The following TNR variants were observed in gnomAD, a reference collection of about 807,000 sequenced individuals.
TNR encodes the protein tenascin R, also known as tenascin-R.
A neutral mutation model predicts 150.4 loss-of-function variants in TNR; 45 were observed. That is an observed-to-expected ratio of 0.30 (90% CI 0.24 to 0.38). The LOEUF is 0.38. Ranked by LOEUF, TNR falls within the 10% of genes least tolerant of loss-of-function variation. The probability of loss-of-function intolerance (pLI) is 1.00; values close to 1 mark genes in which losing one functional copy is unlikely to be tolerated. For missense variants in TNR, 1,544 were observed against 1,759.1 expected (o/e 0.88, Z 2.19); for synonymous variants, 687 against 678.4 (o/e 1.01, Z -0.20).
rs1361082176 is a variant in TNR, at chr1:175,740,100, C to A, written c.-165+3126G>T. Among the ~76,000 whole-genome samples the A allele has an allele frequency of 2.6e-5, 4 of 152,174 alleles. No homozygotes were observed. In the East Asian group the frequency reaches 5.8e-4, roughly 22 times the overall value. On this transcript the variant is annotated intron_variant, in intron 1 of 22. Coordinates refer to ENST00000367674, the MANE Select transcript of TNR (RefSeq NM_003285.3). ...TCAAGGCTGGGGAGCAGAATGTACC[C>A]CTCCCACATCTTTGCTACTTACCCA...
At position 175,335,374 on chromosome 1, in the gene TNR, T is replaced by C. The variant is rs572331418; in HGVS notation, c.3631+337A>G. The C allele has an allele frequency of 1.3e-4, 29 of 228,676 alleles. No individual in the cohort carries two copies. The South Asian group carries it at 4.8e-3, about 38-fold the overall frequency. The allele number at this position is 228,676 out of a possible 1,614,324, so 14.2% of individuals were successfully genotyped here. ...CCTGCAGGCTGGCTGGCTGGTTGCC[T>C]TGCTTCTGGGAGATGGCCAGGCAGC... On this transcript the variant is annotated intron_variant, in intron 20 of 22. Coordinates refer to ENST00000367674, the MANE Select transcript of TNR (RefSeq NM_003285.3).
chr1:175,374,758 T>C lies in TNR; in HGVS notation c.1963+4794A>G, dbSNP rs111765090. On this transcript the variant is annotated intron_variant, in intron 9 of 22. Coordinates refer to ENST00000367674, the MANE Select transcript of TNR (RefSeq NM_003285.3). The stretch of plus-strand genomic sequence containing the variant: ...GGTTAGCAAATGCCACCATGAGGCC[T>C]AAGGCAGGTGCCCTGTGGAGTGGGT... Among the ~76,000 whole-genome samples the C allele has an allele frequency of 2.7e-3, 416 of 152,336 alleles. 4 individuals are homozygous for C. The highest frequency in any genetic ancestry group is 9.6e-3 in the African/African-American group (398 of 41,578).
At chr1:175,420,304 T>A (rs891495473) in intron 2 of TNR, among the ~76,000 whole-genome samples, 2 of 152,204 alleles carry the variant, frequency 1.3e-5, no homozygotes, top group Non-Finnish European at 2.9e-5. Context: ...TGTTTCTTCC[T>A]GTCCCCAAGT....
At chr1:175,399,933 G>C (rs1244742825) in intron 4 of TNR, among the ~76,000 whole-genome samples, 1 of 152,208 alleles carries the variant, frequency 6.6e-6, no homozygotes, top group Non-Finnish European at 1.5e-5. Context: ...GCCAAAGGTT[G>C]GGCTGGCTGC....
intron 1 of TNR, among the ~76,000 whole-genome samples, chr1:175,624,347 G>A (rs1040409): frequency 0.18 from 27,474 of 152,142 alleles, 2,594 homozygotes; most frequent in African/African-American, 0.2. Flanking sequence ...GCTTCAGAAT[G>A]TGACCTTATT....
At chr1:175,488,661 A>C (rs1311489670) in intron 2 of TNR, among the ~76,000 whole-genome samples, 7 of 152,180 alleles carry the variant, frequency 4.6e-5, no homozygotes, top group Non-Finnish European at 1.0e-4. Context: ...GACACTGAAT[A>C]TTGATCCCCA....
At chr1:175,689,659 C>T (rs1196992340) in intron 1 of TNR, among the ~76,000 whole-genome samples, 2 of 152,184 alleles carry the variant, frequency 1.3e-5, no homozygotes, top group Non-Finnish European at 1.5e-5. Context: ...CTCTCATTGC[C>T]TTTATTGGCC....
chr1:175,326,569 A>G (rs1338637574), intron 21 of TNR, among the ~76,000 whole-genome samples: 2 of 151,968 alleles, frequency 1.3e-5, no homozygotes, highest in Non-Finnish European at 2.9e-5. Flanking sequence ...TTTTATGCCC[A>G]TCTAGAGTTA....
intron 1 of TNR, among the ~76,000 whole-genome samples, chr1:175,689,823 C>G (rs1174061974): frequency 6.6e-6 from 1 of 152,212 alleles, no homozygotes; most frequent in Non-Finnish European, 1.5e-5. Context: ...AATCTACAGG[C>G]AGAGGGTTTC....
At chr1:175,670,765 T>A (rs1036660269) in intron 1 of TNR, among the ~76,000 whole-genome samples, 2 of 152,128 alleles carry the variant, frequency 1.3e-5, no homozygotes, top group Non-Finnish European at 2.9e-5. Flanking sequence ...GAGGGGGATG[T>A]GGATACGGGA....
rs543250442 is a variant in TNR, at chr1:175,384,862, T to G, written c.1777+1170A>C. Among the ~76,000 whole-genome samples the G allele has an allele frequency of 3.2e-4, 48 of 152,340 alleles. No individual in the cohort carries two copies. In the South Asian group the frequency reaches 9.9e-3, roughly 32 times the overall value. ...GTTACATGCTGCAATCTAGGGGACA[T>G]TTTGGTGTCCATCTGTTTCACTTTT... On this transcript the variant is annotated intron_variant, in intron 8 of 22. Transcript: ENST00000367674.
At chr1:175,509,394 A>G (rs957348003) in intron 2 of TNR, among the ~76,000 whole-genome samples, 11 of 152,184 alleles carry the variant, frequency 7.2e-5, no homozygotes, top group African/African-American at 2.7e-4. Flanking sequence ...GCCTGTTTCC[A>G]GGTTATCTTT....
chr1:175,532,408 C>T (rs1660108180), intron 1 of TNR, among the ~76,000 whole-genome samples: 1 of 152,116 alleles, frequency 6.6e-6, no homozygotes, highest in Non-Finnish European at 1.5e-5. Context: ...ACAAGGCTTC[C>T]TACCAGGAGG....
At chr1:175,508,174 C>G (rs1237629866) in intron 2 of TNR, among the ~76,000 whole-genome samples, 1 of 152,090 alleles carries the variant, frequency 6.6e-6, no homozygotes, top group Admixed American at 6.6e-5. Flanking sequence ...GGCTTAAAAC[C>G]TAGATGATGG....
intron 2 of TNR, among the ~76,000 whole-genome samples, chr1:175,459,605 C>A (rs1214412076): frequency 6.6e-6 from 1 of 152,222 alleles, no homozygotes; most frequent in Non-Finnish European, 1.5e-5. Flanking sequence ...AAGGTTCCCA[C>A]CTCCTCAAGT....
At chr1:175,697,307 A>G (rs1666559143) in intron 1 of TNR, among the ~76,000 whole-genome samples, 1 of 151,820 alleles carries the variant, frequency 6.6e-6, no homozygotes, top group Admixed American at 6.6e-5. Flanking sequence ...TCTTGAGACA[A>G]AAACCTGAAC....
rs186673156 is a variant in TNR, at chr1:175,370,074, T to C, written c.1964-2777A>G. Among the ~76,000 whole-genome samples, 507 of 152,316 alleles carry C rather than the reference T, an allele frequency of 3.3e-3. 3 individuals carry two copies. Among genetic ancestry groups the C allele is most frequent in the Non-Finnish European group, 5.9e-3 (400 of 68,012 alleles). On this transcript the variant is annotated intron_variant, in intron 9 of 22. Transcript: ENST00000367674. Reference sequence around the variant, plus strand: ...TCTTTCTCTAAAGTGGCAACACCAGTGGAGGTAAACTTTGAAGTTTGACAG... The same window carrying C: ...TCTTTCTCTAAAGTGGCAACACCAGCGGAGGTAAACTTTGAAGTTTGACAG...
At chr1:175,447,825 T>A (rs780563902) in intron 2 of TNR, among the ~76,000 whole-genome samples, 6 of 152,206 alleles carry the variant, frequency 3.9e-5, no homozygotes, top group Non-Finnish European at 8.8e-5. Flanking sequence ...TCAGTTAATA[T>A]CACCAAATTT....
intron 1 of TNR, among the ~76,000 whole-genome samples, chr1:175,669,614 G>A (rs930798368): frequency 1.3e-5 from 2 of 152,224 alleles, no homozygotes; most frequent in Admixed American, 1.3e-4. Context: ...TTGCAAAAAG[G>A]CCCTACAAGA....
Sources: allele counts gnomAD v4.1 joint callset (sites outside exome capture counted in the v4.1 genomes callset), GRCh38; gene constraint gnomAD v4.1.1; transcripts MANE v1.5; gene names NCBI Gene and HGNC (gene_info 2026-07-23, HGNC 2026-07-21).